The following DCAF8 variants were observed in gnomAD, a reference collection of about 807,000 sequenced individuals.
DCAF8 encodes the protein DDB1 and CUL4 associated factor 8.
A neutral mutation model predicts 68.0 loss-of-function variants in DCAF8; 20 were observed. That is an observed-to-expected ratio of 0.29 (90% CI 0.21 to 0.43). The LOEUF (loss-of-function observed/expected upper bound fraction) is 0.43, where lower values mean the gene tolerates loss of function less well. Among genes scored for constraint, DCAF8 ranks in the 20% least tolerant of loss-of-function variants. The pLI, the probability that DCAF8 is intolerant of heterozygous loss-of-function variation, is 1.00. For synonymous variants in DCAF8, 230 were observed against 276.9 expected, an observed-to-expected ratio of 0.83 and a Z score of 1.68; for missense variants, 460 against 771.0, an observed-to-expected ratio of 0.60 and a Z score of 4.78.
chr1:160,226,177 A>G (rs1655465911), intron 7 of DCAF8, among the ~76,000 whole-genome samples: 1 of 152,168 alleles, frequency 6.6e-6, no homozygotes, highest in Non-Finnish European at 1.5e-5. Flanking sequence ...TTTTCACTGA[A>G]ACAACTAACA....
At chr1:160,226,322 C>T (rs1655471606) in intron 7 of DCAF8, among the ~76,000 whole-genome samples, 2 of 152,132 alleles carry the variant, frequency 1.3e-5, no homozygotes, top group African/African-American at 4.8e-5. Context: ...CTCTCATACC[C>T]CACAATAATT....
At chr1:160,260,784 A>T (rs1657057875) in intron 2 of DCAF8, among the ~76,000 whole-genome samples, 1 of 151,486 alleles carries the variant, frequency 6.6e-6, no homozygotes, top group Admixed American at 6.6e-5. Context: ...AATAGACTGG[A>T]CTCAGACACC....
At chr1:160,219,605 C>G (rs1425816641) in intron 11 of DCAF8, 1 of 152,322 alleles carries the variant, frequency 6.6e-6, no homozygotes, top group Non-Finnish European at 1.5e-5. Flanking sequence ...ACAGGCTCAG[C>G]TATAAGGCAG....
At chr1:160,249,337 ATTTAC>A (rs1194546771) in intron 2 of DCAF8, among the ~76,000 whole-genome samples, 1 of 152,220 alleles carries the variant, frequency 6.6e-6, no homozygotes, top group Non-Finnish European at 1.5e-5. Context: ...AATAACAAAA[ATTTAC>A]TTTATTAAGT....
At chr1:160,225,291 T>G (rs1328940925) in intron 8 of DCAF8, among the ~76,000 whole-genome samples, 172 bp from the exon 9 acceptor site, 1 of 152,194 alleles carries the variant, frequency 6.6e-6, no homozygotes, top group Non-Finnish European at 1.5e-5. Context: ...GGGTAGCATC[T>G]TGGGGCTTTC....
intron 3 of DCAF8, among the ~76,000 whole-genome samples, chr1:160,240,825 A>C (rs978226838): frequency 6.6e-6 from 1 of 152,214 alleles, no homozygotes; most frequent in Non-Finnish European, 1.5e-5. Context: ...AGCTGATAAA[A>C]ATCACTCTTG....
chr1:160,223,642 A>G (rs1655370423), intron 10 of DCAF8, among the ~76,000 whole-genome samples: 1 of 152,240 alleles, frequency 6.6e-6, no homozygotes, highest in African/African-American at 2.4e-5. Context: ...TTGGTGGCTC[A>G]TGCCCAGCAC....
chr1:160,260,106 C>T (rs1438836495), intron 2 of DCAF8, among the ~76,000 whole-genome samples: 2 of 148,906 alleles, frequency 1.3e-5, no homozygotes, highest in Admixed American at 6.7e-5. Context: ...AACCAAAAAA[C>T]AACATTTTTT....
At chr1:160,242,728 T>C (rs184668523) in intron 3 of DCAF8, among the ~76,000 whole-genome samples, 2 of 152,262 alleles carry the variant, frequency 1.3e-5, no homozygotes, top group East Asian at 3.9e-4. Flanking sequence ...CTCCAGTATG[T>C]AGAACAAAAG....
At chr1:160,244,059 A>C in intron 2 of DCAF8, 25 bp from the exon 3 acceptor site, 1 of 1,585,524 alleles carries the variant, frequency 6.3e-7, no homozygotes, top group African/African-American at 1.3e-5. Flanking sequence ...GGAAGAAACC[A>C]AAACAATTAG....
chr1:160,254,950 G>A (rs1656768605), intron 2 of DCAF8, among the ~76,000 whole-genome samples: 2 of 152,134 alleles, frequency 1.3e-5, no homozygotes, highest in South Asian at 4.1e-4. Flanking sequence ...CACCCTGCAG[G>A]AATTTAGAGG....
intron 2 of DCAF8, among the ~76,000 whole-genome samples, chr1:160,250,068 T>TA: frequency 6.6e-6 from 1 of 152,306 alleles, no homozygotes; most frequent in Non-Finnish European, 1.5e-5. Context: ...ATCACAGTGG[T>TA]GTTACATAAC....
intron 2 of DCAF8, among the ~76,000 whole-genome samples, chr1:160,252,669 A>G (rs1656643748): frequency 6.6e-6 from 1 of 152,240 alleles, no homozygotes; most frequent in Non-Finnish European, 1.5e-5. Context: ...TTTAAAAGCT[A>G]TTATAGTTGC....
chr1:160,256,982 C>T (rs1355908488), intron 2 of DCAF8, among the ~76,000 whole-genome samples: 1 of 152,198 alleles, frequency 6.6e-6, no homozygotes, highest in Non-Finnish European at 1.5e-5. Context: ...CAAAGACTTT[C>T]TACTCACTCC....
chr1:160,238,898 C>A, intron 4 of DCAF8, 151 bp from the exon 5 acceptor site: 1 of 916,456 alleles, frequency 1.1e-6, no homozygotes, highest in South Asian at 2.0e-5. Context: ...GCTGGCTAAG[C>A]CCAATTTCTT....
chr1:160,244,850 C>G (rs1300962438), intron 2 of DCAF8, among the ~76,000 whole-genome samples: 2 of 152,070 alleles, frequency 1.3e-5, no homozygotes, highest in Non-Finnish European at 2.9e-5. Context: ...CCCGAGTGAT[C>G]CGCCCGCCTC....
At chr1:160,241,643 G>C (rs1571099864) in intron 3 of DCAF8, among the ~76,000 whole-genome samples, 1 of 152,152 alleles carries the variant, frequency 6.6e-6, no homozygotes, top group East Asian at 1.9e-4. Context: ...GAAGAAAAAA[G>C]GGGAGAATAA....
intron 4 of DCAF8, 103 bp downstream of exon 4, chr1:160,239,594 A>G (rs1656021338): frequency 6.2e-7 from 1 of 1,610,544 alleles, no homozygotes; most frequent in Non-Finnish European, 8.5e-7. Flanking sequence ...CCGATATGTA[A>G]TTCCTACAAT....
chr1:160,245,521 G>C lies in DCAF8; in HGVS notation c.-26-1487C>G, dbSNP rs1441536421. Among the ~76,000 whole-genome samples the C allele has an allele frequency of 3.9e-5, 6 of 152,312 alleles. No individual in the cohort carries two copies. The South Asian group carries it at 1.2e-3, about 32-fold the overall frequency. On this transcript the variant is annotated intron_variant, in intron 2 of 13. Transcript: ENST00000368074. ...TAAAAGTATCCTCTGTCAAAAGACA[G>C]TAGCCCAAAGATTGTTCATAATAGG...
Sources: allele counts gnomAD v4.1 joint callset (sites outside exome capture counted in the v4.1 genomes callset), GRCh38; gene constraint gnomAD v4.1.1; transcripts MANE v1.5; gene names NCBI Gene and HGNC (gene_info 2026-07-23, HGNC 2026-07-21).